Variants in MYO1H observed in about 807,000 individuals in gnomAD.
MYO1H encodes the protein unconventional myosin-Ih.
MYO1H carries 118 observed loss-of-function variants against 149.3 expected under a neutral mutation model. The ratio of observed to expected loss-of-function variants is 0.79; its 90% CI spans 0.68 to 0.92. The LOEUF is 0.92. Ranked by LOEUF, MYO1H falls within the 40% of genes least tolerant of loss-of-function variation. MYO1H has a pLI of 0.00. For synonymous variants in MYO1H, 447 were observed against 465.2 expected, an observed-to-expected ratio of 0.96 and a Z score of 0.50; for missense variants, 1,212 against 1,280.7, an observed-to-expected ratio of 0.95 and a Z score of 0.82.
At chr12:109,395,243 AT>A (rs1869839716) in intron 3 of MYO1H, among the ~76,000 whole-genome samples, 1 of 152,066 alleles carries the variant, frequency 6.6e-6, no homozygotes, top group African/African-American at 2.4e-5. Context: ...CTGCCACTCC[AT>A]TTTTAGTATT....
At chr12:109,379,938 G>A (rs561397211) in intron 1 of MYO1H, among the ~76,000 whole-genome samples, 2 of 151,916 alleles carry the variant, frequency 1.3e-5, no homozygotes, top group South Asian at 2.1e-4. Context: ...TCACCATGTT[G>A]GCCAGCATGG....
intron 26 of MYO1H, among the ~76,000 whole-genome samples, 181 bp from the exon 27 acceptor site, chr12:109,442,036 G>C (rs1292542505): frequency 6.6e-6 from 1 of 152,116 alleles, no homozygotes; most frequent in Non-Finnish European, 1.5e-5. Flanking sequence ...GACAGAGCGA[G>C]ACTCTGTCTC....
chr12:109,314,548 C>T, the MYO1H span, among the ~76,000 whole-genome samples: 1 of 152,200 alleles, frequency 6.6e-6, no homozygotes, highest in East Asian at 1.9e-4. Context: ...GATGGCTCCG[C>T]TGTGAGGCAG....
At chr12:109,409,479 G>A in intron 10 of MYO1H, 78 bp from the exon 11 acceptor site, 1 of 1,282,156 alleles carries the variant, frequency 7.8e-7, no homozygotes, top group Non-Finnish European at 1.1e-6. Context: ...CCAAGTCCCA[G>A]TTTAGGGGAG....
intron 24 of MYO1H, among the ~76,000 whole-genome samples, chr12:109,440,158 C>T (rs538752581): frequency 1.9e-4 from 29 of 152,120 alleles, no homozygotes; most frequent in African/African-American, 5.8e-4. Flanking sequence ...TGTCAGCCCC[C>T]CTGAATAACT....
In MYO1H at chr12:109,411,970, A is replaced by C. The variant is rs779472074; in HGVS notation, c.1487A>C (p.His496Pro). ...AAATTGGAAGAGAAAGTGGGCAAAC[A>C]TGCACACTTCGAAACGTACATACTT... The change falls in exon 14 of 32, where the codon CAT (histidine) becomes CCT (proline). Residue 496 changes from histidine to proline, a missense_variant. By Grantham distance (77) the His-to-Pro change is moderately conservative. Transcript: ENST00000310903. 8.1e-6 allele frequency: 13 copies of C among 1,598,374 alleles called. No homozygotes were observed. In the South Asian group the frequency reaches 1.5e-4, roughly 18 times the overall value.
At chr12:109,434,746 G>A (rs1043721137) in intron 20 of MYO1H, among the ~76,000 whole-genome samples, 1 of 152,186 alleles carries the variant, frequency 6.6e-6, no homozygotes, top group African/African-American at 2.4e-5. Context: ...GGTGGCTCCT[G>A]GCATTGCTTA....
At chr12:109,380,323 A>G (rs1408442554) in intron 1 of MYO1H, among the ~76,000 whole-genome samples, 1 of 152,188 alleles carries the variant, frequency 6.6e-6, no homozygotes, top group Non-Finnish European at 1.5e-5. Flanking sequence ...TATTCTACAT[A>G]CTTATAAAAC....
At chr12:109,333,401 T>G in the MYO1H span, among the ~76,000 whole-genome samples, 1 of 152,102 alleles carries the variant, frequency 6.6e-6, no homozygotes, top group Non-Finnish European at 1.5e-5. Flanking sequence ...TCATGGTGCA[T>G]GGATCATCCA....
At chr12:109,355,064 G>A (rs1379414786) in intron 1 of MYO1H, among the ~76,000 whole-genome samples, 1 of 152,188 alleles carries the variant, frequency 6.6e-6, no homozygotes. Context: ...AGGAAAAGCT[G>A]GCCTTGCCAT....
At chr12:109,318,734 A>C in the MYO1H span, among the ~76,000 whole-genome samples, 2 of 151,062 alleles carry the variant, frequency 1.3e-5, no homozygotes, top group African/African-American at 4.9e-5. Flanking sequence ...CCAGACCAGA[A>C]GCGACTGGGT....
At chr12:109,336,382 G>C in the MYO1H span, among the ~76,000 whole-genome samples, 1 of 152,146 alleles carries the variant, frequency 6.6e-6, no homozygotes, top group Non-Finnish European at 1.5e-5. Flanking sequence ...AGGGGAGAGA[G>C]AGAAGAAAAA....
the MYO1H span, among the ~76,000 whole-genome samples, chr12:109,342,087 T>C: frequency 6.6e-6 from 1 of 152,100 alleles, no homozygotes; most frequent in East Asian, 1.9e-4. Context: ...AATCAGTATG[T>C]TTTGTTGTTT....
intron 27 of MYO1H, among the ~76,000 whole-genome samples, chr12:109,443,292 A>G (rs551879915): frequency 0.015 from 1,741 of 119,988 alleles, 286 homozygotes; most frequent in Non-Finnish European, 0.021. Flanking sequence ...GTACGTATAT[A>G]TGTGTGTATA....
intron 11 of MYO1H, 38 bp downstream of exon 11, chr12:109,409,662 C>G (rs745901899): frequency 6.6e-7 from 1 of 1,511,620 alleles, no homozygotes; most frequent in South Asian, 1.1e-5. Flanking sequence ...GTCTTTTGCC[C>G]TTTTTTAAGA....
At chr12:109,446,213 C>T (rs1328344501) in intron 31 of MYO1H, 3 of 985,332 alleles carry the variant, frequency 3.0e-6, no homozygotes, top group Admixed American at 6.1e-5. Flanking sequence ...GAAGTCTAGC[C>T]TGAGCACACA....
Position 109,407,701 on chromosome 12 carries a change from A to G in MYO1H, c.1036-93A>G. 6 of 1,325,528 alleles carry G rather than the reference A, an allele frequency of 4.5e-6. No homozygotes were observed. The South Asian group carries it at 6.5e-5, about 14-fold the overall frequency. 82.1% of individuals were successfully genotyped at this position (1,325,528 alleles called of 1,614,324 possible). ...CAGCAGAGCGAGACCCTGTCTCATT[A>G]TTTTATTTTTTTTTTAAGAAAAAAG... On this transcript the variant is annotated intron_variant, in intron 9 of 31. Coordinates refer to ENST00000310903, the Ensembl canonical transcript of MYO1H.
chr12:109,316,526 C>T, the MYO1H span, among the ~76,000 whole-genome samples: 2 of 152,204 alleles, frequency 1.3e-5, no homozygotes, highest in Admixed American at 6.5e-5. Context: ...ATACTTGCCT[C>T]ATAACAATCC....
At chr12:109,348,449 C>G (rs1868386575) in intron 1 of MYO1H, among the ~76,000 whole-genome samples, 1 of 152,170 alleles carries the variant, frequency 6.6e-6, no homozygotes, top group Non-Finnish European at 1.5e-5. Context: ...ATGGTGACCT[C>G]ATGTTGAAGG....
Sources: gnomAD v4.1 joint callset for allele counts (sites outside exome capture counted in the v4.1 genomes callset) on GRCh38, gnomAD v4.1.1 for gene constraint, MANE v1.5 for transcripts, NCBI Gene and HGNC (gene_info 2026-07-23, HGNC 2026-07-21) for gene names.